Variants in SLC6A13 observed in about 807,000 individuals in gnomAD.
SLC6A13 encodes the protein solute carrier family 6 member 13, also known as sodium- and chloride-dependent GABA transporter 2.
A neutral mutation model predicts 72.9 loss-of-function variants in SLC6A13; 69 were observed. The observed-to-expected ratio is 0.95, with a 90% CI of 0.78 to 1.16. The LOEUF (loss-of-function observed/expected upper bound fraction) is 1.16, where lower values mean the gene tolerates loss of function less well. SLC6A13 is among the 50% of genes most tolerant of loss of function. The pLI is 0.00. For synonymous variants in SLC6A13, 303 were observed against 303.0 expected (o/e 1.00, Z 0.00); for missense variants, 735 against 760.5 (o/e 0.97, Z 0.39).
At chr12:224,178 C>A (rs749824728) in intron 10 of SLC6A13, 49 bp from the exon 11 acceptor site, 1 of 1,610,010 alleles carries the variant, frequency 6.2e-7, no homozygotes, top group African/African-American at 1.3e-5. Flanking sequence ...TCCCGAGATG[C>A]CCTGTCCATG....
intron 2 of SLC6A13, among the ~76,000 whole-genome samples, chr12:251,154 T>TC (rs1380204627): frequency 8.1e-6 from 1 of 124,132 alleles, no homozygotes; most frequent in African/African-American, 3.4e-5. Context: ...AGACTCTGTC[T>TC]CAAAAAAAAA....
rs989898271 is a variant in SLC6A13, at chr12:235,073, T to A, written c.831+17A>T. 3 of 1,614,036 alleles carry A rather than the reference T, an allele frequency of 1.9e-6. No individual in the cohort carries two copies. Among genetic ancestry groups the A allele is most frequent in the African/African-American group, 2.7e-5 (2 of 74,944 alleles). On this transcript the variant is annotated intron_variant, in intron 7 of 14. Transcript: ENST00000343164. ...GCCCTGGGAGTCACGTGAGGGCTCC[T>A]GTCTGTGGCTTCTTACCTGGGGATC...
At chr12:256,484 C>A (rs2305164) in intron 2 of SLC6A13, 1 of 152,136 alleles carries the variant, frequency 6.6e-6, no homozygotes, top group Non-Finnish European at 1.5e-5. Flanking sequence ...TCCCTAAAAG[C>A]GTCCCTGTTG....
At chr12:259,038 G>T (rs1305008480) in intron 2 of SLC6A13, 2 of 150,500 alleles carry the variant, frequency 1.3e-5, no homozygotes, top group Non-Finnish European at 3.0e-5. Context: ...TAAGACCACA[G>T]AACAGTTTGG....
intron 4 of SLC6A13, among the ~76,000 whole-genome samples, chr12:242,373 T>C (rs1242362851): frequency 6.6e-6 from 1 of 152,234 alleles, no homozygotes; most frequent in African/African-American, 2.4e-5. Context: ...TTTAAGCAAA[T>C]GGCTAAACAA....
intron 11 of SLC6A13, chr12:223,746 C>T: frequency 1.9e-6 from 1 of 524,040 alleles, no homozygotes; most frequent in Non-Finnish European, 3.5e-6. Context: ...CTCCACATAC[C>T]TCTTCACTTA....
At chr12:261,730 AG>A (rs1942932503) in intron 1 of SLC6A13, among the ~76,000 whole-genome samples, 1 of 152,166 alleles carries the variant, frequency 6.6e-6, no homozygotes, top group South Asian at 2.1e-4. Flanking sequence ...GTTTGAGACC[AG>A]CCTGGCCAAC....
chr12:234,982 C>A, intron 7 of SLC6A13, 108 bp downstream of exon 7: 1 of 1,256,036 alleles, frequency 8.0e-7, no homozygotes, highest in South Asian at 1.4e-5. Context: ...CCACTGTGGA[C>A]ACCCTAGGGT....
chr12:259,808 C>G, intron 2 of SLC6A13, 43 bp downstream of exon 2: 1 of 1,614,212 alleles, frequency 6.2e-7, no homozygotes, highest in Non-Finnish European at 8.5e-7. Context: ...GAAGTATCCT[C>G]CTTCCAGGAG....
At chr12:247,131 A>C (rs1368973112) in intron 2 of SLC6A13, among the ~76,000 whole-genome samples, 2 of 152,014 alleles carry the variant, frequency 1.3e-5, no homozygotes, top group African/African-American at 4.8e-5. Flanking sequence ...GGAGTCTGTG[A>C]AAGAAAGAAA....
intron 4 of SLC6A13, 72 bp from the exon 5 acceptor site, chr12:238,082 G>A (rs1189577406): frequency 6.3e-7 from 1 of 1,581,194 alleles, no homozygotes; most frequent in Non-Finnish European, 8.7e-7. Flanking sequence ...TGGAGAGTGG[G>A]GTGAAATTCT....
intron 4 of SLC6A13, chr12:238,410 G>T: frequency 8.9e-7 from 1 of 1,119,160 alleles, no homozygotes; most frequent in Non-Finnish European, 1.2e-6. Flanking sequence ...GAAAGCTCTG[G>T]CTTGAATGCT....
At position 242,713 on chromosome 12, in the gene SLC6A13, C is replaced by A. The variant is rs765859740; in HGVS notation, c.379G>T (p.Val127Phe). The A allele has an allele frequency of 1.2e-6, 2 of 1,604,566 alleles. No individual in the cohort carries two copies. The highest frequency in any genetic ancestry group is 1.7e-6 in the Non-Finnish European group (2 of 1,175,382). ...ASQMIVILLN[V>F]YYIIVLAWAL... ...CAGGCCAACACAATGATGTAGTAGA[C>A]GTTGAGGAGGATGACGATCATCTGG... is the stretch of plus-strand genomic sequence containing the variant. Residue 127 changes from valine (V) to phenylalanine (F), a missense_variant, in exon 4 of 15, where the codon GTC (valine) becomes TTC (phenylalanine). Physicochemically the swap from Val to Phe is conservative, Grantham distance 50. Coordinates refer to ENST00000343164, the MANE Select transcript of SLC6A13 (RefSeq NM_016615.5).
chr12:221,556 A>G lies in SLC6A13; in HGVS notation c.1516-10T>C. On this transcript the variant is annotated splice_polypyrimidine_tract_variant and intron_variant, in intron 13 of 14. Transcript: ENST00000343164. ...AGAAGAGAAAGGTGGCCTGAGGGGG[A>G]GAGCAGAAGAGAAAGGGGTTGGGGG... The G allele has an allele frequency of 6.5e-7, 1 of 1,536,152 alleles. No homozygotes were observed. Among genetic ancestry groups the G allele is most frequent in the East Asian group, 2.3e-5 (1 of 42,922 alleles).
At position 235,209 on chromosome 12, in the gene SLC6A13, C is replaced by T; in HGVS notation, c.712G>A (p.Ala238Thr). The T allele has an allele frequency of 6.2e-7, 1 of 1,614,186 alleles. No homozygotes were observed. The highest frequency in any genetic ancestry group is 8.5e-7 in the Non-Finnish European group (1 of 1,180,028). ...ACCAGCATGAGGTAAGGAAATGTGG[C>T]CGTGAAGTACACCACCTGGTCATGG... ...KSTGKVVYFT[A>T]TFPYLMLVVL... Residue 238 changes from alanine to threonine, a missense_variant, in exon 7 of 15, where the codon GCC becomes ACC. Coordinates refer to ENST00000343164, the MANE Select transcript of SLC6A13 (RefSeq NM_016615.5).
rs150889568 is a variant in SLC6A13, at chr12:243,733, A to T, written c.283T>A (p.Tyr95Asn). The change falls in exon 3 of 15, where the codon TAC becomes AAC. Residue 95 changes from tyrosine (Y) to asparagine (N), a missense_variant. Transcript: ENST00000343164. ...VFLLETALGQ[Y>N]TSQGGVTAWR... The stretch of plus-strand genomic sequence containing the variant: ...GCTGTGACGCCTCCCTGGCTAGTGT[A>T]CTGGCCTAGTGCTGTCTCCAGAAGG... 532 of 1,614,206 alleles carry T rather than the reference A, an allele frequency of 3.3e-4. No individual in the cohort carries two copies. The highest frequency in any genetic ancestry group is 7.7e-4 in the Admixed American group (46 of 60,036).
At position 221,016 on chromosome 12, in the gene SLC6A13, C is replaced by T. The variant is rs751271912; in HGVS notation, c.1741G>A (p.Gly581Arg). ...CTGGGGGTGGCGGGAGCCGAGGGTC[C>T]TGCTGGGTTCCGCTGGGGCAGGTCC... ...AEDLPQRNPA[G>R]PSAPATPRTS... Residue 581 changes from glycine to arginine, a missense_variant, in exon 15 of 15, where the codon GGA becomes AGA. Physicochemically the swap from Gly to Arg is moderately radical, Grantham distance 125. Coordinates refer to ENST00000343164, the MANE Select transcript of SLC6A13 (RefSeq NM_016615.5). 3 of 1,612,566 alleles carry T rather than the reference C, an allele frequency of 1.9e-6. No homozygotes were observed. In the Admixed American group the frequency reaches 5.0e-5, roughly 27 times the overall value.
intron 2 of SLC6A13, among the ~76,000 whole-genome samples, chr12:255,287 G>A (rs17800720): frequency 0.42 from 63,584 of 152,180 alleles, 15,858 homozygotes; most frequent in Non-Finnish European, 0.57. Context: ...AGAGCTATGA[G>A]AGGTGGAGGA....
chr12:235,228 G>A lies in SLC6A13; in HGVS notation c.697-4C>T. ...ATGTGGCCGTGAAGTACACCACCTG[G>A]TCATGGGCAAATGAGAGACAAGGAG... On this transcript the variant is annotated splice_polypyrimidine_tract_variant and splice_region_variant and intron_variant, in intron 6 of 14. Coordinates refer to ENST00000343164, the MANE Select transcript of SLC6A13 (RefSeq NM_016615.5). 1 of 1,614,178 alleles carries A rather than the reference G, an allele frequency of 6.2e-7. No homozygotes were observed. Among genetic ancestry groups the A allele is most frequent in the Non-Finnish European group, 8.5e-7 (1 of 1,180,006 alleles).
Sources: allele counts gnomAD v4.1 joint callset (sites outside exome capture counted in the v4.1 genomes callset), GRCh38; gene constraint gnomAD v4.1.1; transcripts MANE v1.5; gene names NCBI Gene and HGNC (gene_info 2026-07-23, HGNC 2026-07-21).